Variants in AFF2 observed in about 807,000 individuals in gnomAD.
AFF2 encodes AF4/FMR2 family member 2.
In AFF2, 14 loss-of-function variants were observed where a neutral mutation model predicts 76.9. That is an observed-to-expected ratio of 0.18 (90% confidence interval 0.12 to 0.28). The LOEUF is 0.28. Among genes scored for constraint, AFF2 ranks in the 10% least tolerant of loss-of-function variants. The probability of loss-of-function intolerance (pLI) is 1.00; values close to 1 mark genes in which losing one functional copy is unlikely to be tolerated. For synonymous variants in AFF2, 398 were observed against 366.7 expected (o/e 1.09, Z -0.98); for missense variants, 868 against 1,001.1 (o/e 0.87, Z 1.79).
At chrX:148,853,175 AT>A (rs1466178799) in intron 7 of AFF2, among the ~76,000 whole-genome samples, 1 of 111,966 alleles carries the variant, frequency 8.9e-6, no homozygotes, top group Non-Finnish European at 1.9e-5. Flanking sequence ...AATAATCTTA[AT>A]AATACTACTT....
At chrX:148,521,502 C>T (rs1032180562) in intron 1 of AFF2, among the ~76,000 whole-genome samples, 1 of 110,636 alleles carries the variant, frequency 9.0e-6, no homozygotes, top group Non-Finnish European at 1.9e-5. Context: ...CAGCACATTT[C>T]GTAGGAGGTA....
At chrX:148,788,682 C>T (rs1337179126) in intron 3 of AFF2, among the ~76,000 whole-genome samples, 6 of 112,150 alleles carry the variant, frequency 5.3e-5, no homozygotes, top group Non-Finnish European at 7.5e-5. Flanking sequence ...TGCTGCACTG[C>T]TCTCAGTAAC....
At chrX:148,588,144 G>A (rs2053487049) in intron 1 of AFF2, among the ~76,000 whole-genome samples, 1 of 112,813 alleles carries the variant, frequency 8.9e-6, no homozygotes, top group Admixed American at 9.4e-5. Flanking sequence ...GTATTCACAT[G>A]GGTCTTATAC....
At chrX:148,916,271 G>A (rs1241263679) in intron 9 of AFF2, among the ~76,000 whole-genome samples, 5 of 85,504 alleles carry the variant, frequency 5.8e-5, no homozygotes, top group East Asian at 4.1e-4. Flanking sequence ...GTGCAGTGGC[G>A]CGATCTCGGC....
At chrX:148,790,695 G>A (rs2069881666) in intron 3 of AFF2, among the ~76,000 whole-genome samples, 1 of 109,506 alleles carries the variant, frequency 9.1e-6, no homozygotes, top group Non-Finnish European at 1.9e-5. Flanking sequence ...TTGGGGGTGG[G>A]GTTGGGGGAG....
chrX:148,924,885 T>C (rs1557283599), intron 9 of AFF2, among the ~76,000 whole-genome samples: 5 of 112,559 alleles, frequency 4.4e-5, no homozygotes, highest in Non-Finnish European at 3.8e-5. Flanking sequence ...GAAGGTTCTT[T>C]GTAGGCTGAA....
At chrX:148,800,899 C>T (rs2070049467) in intron 3 of AFF2, among the ~76,000 whole-genome samples, 1 of 112,373 alleles carries the variant, frequency 8.9e-6, no homozygotes, top group African/African-American at 3.2e-5. Flanking sequence ...CTTCTTTAAA[C>T]AATTCAGAAA....
intron 2 of AFF2, among the ~76,000 whole-genome samples, chrX:148,652,908 C>T (rs1569552616): frequency 8.9e-6 from 1 of 111,796 alleles, no homozygotes; most frequent in Non-Finnish European, 1.9e-5. Flanking sequence ...GTGTAATTTT[C>T]TGTAATAAAA....
At chrX:148,536,136 G>A (rs187858655) in intron 1 of AFF2, among the ~76,000 whole-genome samples, 1 of 109,692 alleles carries the variant, frequency 9.1e-6, no homozygotes, top group Non-Finnish European at 1.9e-5. Context: ...CTTGAACCCA[G>A]GAGGTGGAGG....
chrX:148,815,969 G>T (rs1557272124), intron 4 of AFF2, among the ~76,000 whole-genome samples: 2 of 112,015 alleles, frequency 1.8e-5, no homozygotes, highest in African/African-American at 6.5e-5. Flanking sequence ...TGAATTGGAT[G>T]AAAGCCGGTG....
intron 3 of AFF2, among the ~76,000 whole-genome samples, chrX:148,799,412 A>G (rs1294513825): frequency 1.8e-5 from 2 of 112,148 alleles, no homozygotes; most frequent in Non-Finnish European, 3.8e-5. Context: ...ACAATCTGAG[A>G]TTGATGACCT....
intron 3 of AFF2, among the ~76,000 whole-genome samples, chrX:148,730,808 C>T (rs1328555142): frequency 8.9e-6 from 1 of 112,304 alleles, no homozygotes; most frequent in Admixed American, 9.4e-5. Context: ...GAGAATTGAG[C>T]TCCCCATTGC....
In AFF2 at chrX:148,662,197, C is replaced by T. The variant is rs782308783; in HGVS notation, c.470C>T (p.Pro157Leu). 1 of 1,209,134 alleles carries T rather than the reference C, an allele frequency of 8.3e-7. No individual in the cohort carries two copies. Among genetic ancestry groups the T allele is most frequent in the Admixed American group, 2.2e-5 (1 of 45,694 alleles). Residue 157 changes from proline to leucine, a missense_variant, in exon 3 of 21, where the codon CCT becomes CTT. Physicochemically the swap from Pro to Leu is moderately conservative, Grantham distance 98. Coordinates refer to ENST00000370460, the MANE Select transcript of AFF2 (RefSeq NM_002025.4). ...ATACACAGCAACAGAAAATCAAAAC[C>T]TGAGTGGTCACGTGATAGTCATAAC... is the stretch of plus-strand genomic sequence containing the variant. ...TLIHSNRKSK[P>L]EWSRDSHNPS...
intron 1 of AFF2, among the ~76,000 whole-genome samples, chrX:148,545,675 A>G (rs2052912502): frequency 9.1e-6 from 1 of 110,445 alleles, no homozygotes; most frequent in South Asian, 3.9e-4. Context: ...GATCAGTTAT[A>G]TAGTCACCCC....
chrX:148,698,996 T>C (rs908474763), intron 3 of AFF2, among the ~76,000 whole-genome samples: 45 of 111,751 alleles, frequency 4.0e-4, no homozygotes, highest in African/African-American at 1.4e-3. Context: ...GTAGAATGTG[T>C]AATATTATTT....
Position 148,805,761 on chromosome X carries a change from C to G in AFF2, c.1042-4115C>G, listed in dbSNP as rs1008140598. Among the ~76,000 whole-genome samples the G allele has an allele frequency of 7.1e-5, 8 of 112,741 alleles. No homozygotes were observed. The Admixed American group carries it at 7.5e-4, about 11-fold the overall frequency. ...TGGCTACATGGGGTGGCAGCCTGCA[C>G]TGTCAGATGCAGAGAGGGTAGGCAC... On this transcript the variant is annotated intron_variant, in intron 3 of 20. Transcript: ENST00000370460.
chrX:148,741,524 G>T lies in AFF2; in HGVS notation c.1042-68352G>T, dbSNP rs565571551. On this transcript the variant is annotated intron_variant, in intron 3 of 20. Coordinates refer to ENST00000370460, the MANE Select transcript of AFF2 (RefSeq NM_002025.4). ...AGCCCCAAGTCTGTTTCCAGAGGAA[G>T]GGCGAGACGGACTTGAAAACTTGCC... is the stretch of plus-strand genomic sequence containing the variant. Among the ~76,000 whole-genome samples, 22 of 110,688 alleles carry T rather than the reference G, an allele frequency of 2.0e-4. No homozygotes were observed. The South Asian group carries it at 8.6e-3, about 43-fold the overall frequency.
chrX:148,895,390 C>T (rs1436723849), intron 8 of AFF2, among the ~76,000 whole-genome samples: 18 of 111,675 alleles, frequency 1.6e-4, no homozygotes, highest in Non-Finnish European at 3.0e-4. Flanking sequence ...TGTGTTAATA[C>T]CCATGTAATT....
At chrX:148,645,497 G>C in intron 1 of AFF2, among the ~76,000 whole-genome samples, 1 of 111,974 alleles carries the variant, frequency 8.9e-6, no homozygotes, top group East Asian at 2.8e-4. Flanking sequence ...ATTCCTTAAA[G>C]CTTTCTACCT....
Sources: allele counts gnomAD v4.1 joint callset (sites outside exome capture counted in the v4.1 genomes callset), GRCh38; gene constraint gnomAD v4.1.1; transcripts MANE v1.5; gene names NCBI Gene and HGNC (gene_info 2026-07-23, HGNC 2026-07-21).